The following TSHZ3 variants were observed in gnomAD, a reference collection of about 807,000 sequenced individuals.
TSHZ3 encodes teashirt zinc finger homeobox 3.
Under a neutral mutation model 64.5 loss-of-function variants are expected in TSHZ3, and 10 were observed. That is an observed-to-expected ratio of 0.16 (90% CI 0.10 to 0.26). The LOEUF is 0.26. TSHZ3 is among the 10% of genes least tolerant of loss of function. The pLI, the probability that TSHZ3 is intolerant of heterozygous loss-of-function variation, is 1.00. For synonymous variants in TSHZ3, 608 were observed against 593.1 expected (o/e 1.03, Z -0.36); for missense variants, 1,242 against 1,421.7 (o/e 0.87, Z 2.03).
chr19:31,263,872 C>T (rs930184206), intron 1 of TSHZ3, among the ~76,000 whole-genome samples: 2 of 152,140 alleles, frequency 1.3e-5, no homozygotes, highest in African/African-American at 4.8e-5. Flanking sequence ...AGTGAGGCAC[C>T]AGAGCTCTAG....
chr19:31,208,108 A>C (rs1479780878), intron 4 of TSHZ3, among the ~76,000 whole-genome samples: 1 of 152,206 alleles, frequency 6.6e-6, no homozygotes, highest in Non-Finnish European at 1.5e-5. Flanking sequence ...TCAGTAGATA[A>C]ATGAATGAAT....
chr19:31,194,930 A>G (rs1218259428), intron 5 of TSHZ3, among the ~76,000 whole-genome samples: 1 of 152,212 alleles, frequency 6.6e-6, no homozygotes, highest in South Asian at 2.1e-4. Flanking sequence ...AAAAAACACT[A>G]TAATAGAAAT....
At chr19:31,154,305 A>C (rs965335256) in intron 6 of TSHZ3, among the ~76,000 whole-genome samples, 1 of 152,226 alleles carries the variant, frequency 6.6e-6, no homozygotes, top group African/African-American at 2.4e-5. Context: ...AAGTCCACAC[A>C]TAATCTTTCT....
At chr19:31,350,135 C>A (rs1376333268), upstream of TSHZ3, among the ~76,000 whole-genome samples, 1 of 149,494 alleles carries the variant, frequency 6.7e-6, no homozygotes, top group Non-Finnish European at 1.5e-5. Context: ...ACTCCGGAGC[C>A]CCCAGCGTGG....
intron 1 of TSHZ3, among the ~76,000 whole-genome samples, chr19:31,295,034 C>CA (rs1449106991): frequency 5.9e-5 from 9 of 152,206 alleles, no homozygotes; most frequent in Admixed American, 2.6e-4. Context: ...TCAACAATAA[C>CA]AAAAAAACCC....
intron 4 of TSHZ3, among the ~76,000 whole-genome samples, chr19:31,216,706 G>A (rs542931002): frequency 1.4e-3 from 212 of 152,086 alleles, no homozygotes; most frequent in Non-Finnish European, 2.6e-3. Context: ...GTGCGATCTC[G>A]GCTCACTGCA....
chr19:31,317,265 G>C, intron 1 of TSHZ3, among the ~76,000 whole-genome samples: 1 of 152,186 alleles, frequency 6.6e-6, no homozygotes, highest in South Asian at 2.1e-4. Context: ...ACGCTGATAT[G>C]CTGTAGTTTA....
chr19:31,192,732 A>G (rs964744335), intron 5 of TSHZ3, among the ~76,000 whole-genome samples: 2 of 152,210 alleles, frequency 1.3e-5, no homozygotes, highest in Admixed American at 6.5e-5. Context: ...TTACTTGCTC[A>G]TTAGATGCCA....
rs930408310 is a variant in TSHZ3, at chr19:31,315,092, C to T, written c.40+34088G>A. On this transcript the variant is annotated intron_variant, in intron 1 of 1. Coordinates refer to ENST00000240587, the MANE Select transcript of TSHZ3 (RefSeq NM_020856.4). The stretch of plus-strand genomic sequence containing the variant: ...AGATCAAGGGAAGAAAGCAACTCTG[C>T]CAAGAGATGTCTATCACCTATGCTC... Among the ~76,000 whole-genome samples, 5 of 152,308 alleles carry T rather than the reference C, an allele frequency of 3.3e-5. No individual in the cohort carries two copies. In the East Asian group the frequency reaches 7.7e-4, roughly 24 times the overall value.
intron 1 of TSHZ3, among the ~76,000 whole-genome samples, chr19:31,344,705 T>C (rs889676003): frequency 3.9e-5 from 6 of 152,230 alleles, no homozygotes; most frequent in Admixed American, 6.5e-5. Context: ...AGGTAGGTCC[T>C]TTCTCTTTCC....
chr19:31,165,942 C>T (rs933782664), intron 5 of TSHZ3, among the ~76,000 whole-genome samples: 2 of 152,076 alleles, frequency 1.3e-5, no homozygotes, highest in East Asian at 1.9e-4. Context: ...ATGGATGTGC[C>T]GACTTCTAGT....
At chr19:31,333,609 CA>C (rs200932120) in intron 1 of TSHZ3, among the ~76,000 whole-genome samples, 1 of 151,412 alleles carries the variant, frequency 6.6e-6, no homozygotes, top group Admixed American at 6.6e-5. Flanking sequence ...CTGCTTGCAA[CA>C]AAAAAAACAA....
At chr19:31,288,138 T>G (rs192006461) in intron 1 of TSHZ3, among the ~76,000 whole-genome samples, 4 of 152,252 alleles carry the variant, frequency 2.6e-5, no homozygotes, top group African/African-American at 9.6e-5. Flanking sequence ...AATCCTTTTT[T>G]TTATTTAAAT....
chr19:31,347,886 G>A (rs2021562582), intron 1 of TSHZ3, among the ~76,000 whole-genome samples: 1 of 152,198 alleles, frequency 6.6e-6, no homozygotes. Flanking sequence ...GGCAGTGCCG[G>A]CTGGCATGAT....
At position 31,279,154 on chromosome 19, in the gene TSHZ3, C is replaced by T. The variant is rs1244682551; in HGVS notation, c.639G>A (p.Lys213=). The change falls in exon 2 of 2, where the codon AAG becomes AAA. Residue 213 remains lysine (K), a synonymous_variant. Transcript: ENST00000240587. This position sits in a 1 kb window ranked among gnomAD's most constrained non-coding sequence, Gnocchi z 6.4. ...CAGCGCTGCAGTCCTTACAGCGGAACTTGCTGGCCCCCGTGAAGATGGAGC... is the reference window on the plus strand; with the variant it reads ...CAGCGCTGCAGTCCTTACAGCGGAATTTGCTGGCCCCCGTGAAGATGGAGC... ...LYGSIFTGAS[K]FRCKDCSAAY... 2 of 1,613,030 alleles carry T rather than the reference C, an allele frequency of 1.2e-6. No individual in the cohort carries two copies. Among genetic ancestry groups the T allele is most frequent in the East Asian group, 2.2e-5 (1 of 44,836 alleles).
At chr19:31,317,080 G>T (rs956081497) in intron 1 of TSHZ3, among the ~76,000 whole-genome samples, 1 of 152,180 alleles carries the variant, frequency 6.6e-6, no homozygotes, top group African/African-American at 2.4e-5. Context: ...TTGAAATTTA[G>T]TCGCAGGAGA....
In TSHZ3 at chr19:31,343,333, C is replaced by T. The variant is rs542520060; in HGVS notation, c.40+5847G>A. Among the ~76,000 whole-genome samples, 32 of 152,310 alleles carry T rather than the reference C, an allele frequency of 2.1e-4. No individual in the cohort carries two copies. The South Asian group carries it at 5.0e-3, about 24-fold the overall frequency. On this transcript the variant is annotated intron_variant, in intron 1 of 1. Coordinates refer to ENST00000240587, the MANE Select transcript of TSHZ3 (RefSeq NM_020856.4). ...GGAGATGGTTAAAATGTCCAGGTAA[C>T]GTGACCTTCAGTGAACTACTCGCCC...
chr19:31,341,706 A>G (rs1917445404), intron 1 of TSHZ3, among the ~76,000 whole-genome samples: 1 of 151,232 alleles, frequency 6.6e-6, no homozygotes, highest in South Asian at 2.1e-4. Flanking sequence ...AAGAAAACCT[A>G]CAGAACAGCT....
intron 1 of TSHZ3, among the ~76,000 whole-genome samples, chr19:31,315,326 C>T (rs1393890414): frequency 6.6e-6 from 1 of 152,234 alleles, no homozygotes; most frequent in Admixed American, 6.5e-5. Flanking sequence ...CCCCCAGCCC[C>T]GCCCTGTCCC....
Sources: allele counts gnomAD v4.1 joint callset (sites outside exome capture counted in the v4.1 genomes callset), GRCh38; gene constraint gnomAD v4.1.1; non-coding constraint Gnocchi (gnomAD v3.1); transcripts MANE v1.5; gene names NCBI Gene and HGNC (gene_info 2026-07-23, HGNC 2026-07-21).